CA8: variants seen among roughly 807,000 people sequenced by gnomAD.
CA8 encodes carbonic anhydrase-related protein.
CA8 carries 22 observed loss-of-function variants against 41.4 expected under a neutral mutation model. The observed-to-expected ratio is 0.53, with a 90% CI of 0.38 to 0.76. The LOEUF is 0.76. CA8 is among the 30% of genes least tolerant of loss of function. The pLI is 0.00. For synonymous variants in CA8, 121 were observed against 130.6 expected, an observed-to-expected ratio of 0.93 and a Z score of 0.50; for missense variants, 270 against 352.8, an observed-to-expected ratio of 0.77 and a Z score of 1.88.
intron 8 of CA8, chr8:60,207,971 A>G (rs1456224793): frequency 1.3e-5 from 2 of 152,202 alleles, no homozygotes; most frequent in African/African-American, 4.8e-5. Context: ...CCTAGGTTCT[A>G]TTCCAACAGA....
intron 7 of CA8, among the ~76,000 whole-genome samples, chr8:60,219,732 G>A (rs1008319342): frequency 2.6e-5 from 4 of 151,982 alleles, no homozygotes; most frequent in African/African-American, 9.7e-5. Flanking sequence ...CATCACACAT[G>A]ACTGGCTGGA....
chr8:60,212,575 T>C (rs1389903488), intron 7 of CA8, among the ~76,000 whole-genome samples: 1 of 152,190 alleles, frequency 6.6e-6, no homozygotes, highest in Non-Finnish European at 1.5e-5. Context: ...CTCACTTATA[T>C]GTGGAATCTA....
chr8:60,224,493 A>AATT, intron 6 of CA8, 44 bp downstream of exon 6: 1 of 1,094,048 alleles, frequency 9.1e-7, no homozygotes, highest in Non-Finnish European at 1.4e-6. Context: ...ATGTGACTAT[A>AATT]GCCACAGTTA....
At chr8:60,276,881 G>GT (rs1804254665) in intron 2 of CA8, among the ~76,000 whole-genome samples, 1 of 152,116 alleles carries the variant, frequency 6.6e-6, no homozygotes, top group African/African-American at 2.4e-5. Context: ...CACTTTGGGA[G>GT]GCCGAGGTGG....
At chr8:60,251,700 C>G (rs1808456329) in intron 3 of CA8, among the ~76,000 whole-genome samples, 2 of 152,176 alleles carry the variant, frequency 1.3e-5, no homozygotes, top group Admixed American at 1.3e-4. Context: ...AAGAGAAGGC[C>G]AAAGTCATCT....
At chr8:60,269,195 T>C (rs1207449100) in intron 2 of CA8, among the ~76,000 whole-genome samples, 1 of 152,228 alleles carries the variant, frequency 6.6e-6, no homozygotes, top group Non-Finnish European at 1.5e-5. Context: ...ATCCATCTGG[T>C]AACCCTCTTC....
At chr8:60,218,439 T>A (rs1393397041) in intron 7 of CA8, among the ~76,000 whole-genome samples, 1 of 152,002 alleles carries the variant, frequency 6.6e-6, no homozygotes, top group African/African-American at 2.4e-5. Flanking sequence ...TGTCGAATAA[T>A]TGCCAAATAA....
intron 2 of CA8, among the ~76,000 whole-genome samples, chr8:60,275,143 CA>C (rs1406811947): frequency 1.3e-5 from 2 of 152,094 alleles, no homozygotes; most frequent in Non-Finnish European, 2.9e-5. Flanking sequence ...CCAGATAAAC[CA>C]ATATAAGCAA....
intron 7 of CA8, among the ~76,000 whole-genome samples, chr8:60,220,863 C>T (rs547192633): frequency 6.6e-6 from 1 of 152,288 alleles, no homozygotes; most frequent in Non-Finnish European, 1.5e-5. Flanking sequence ...TACTGGCCCT[C>T]AAAAGATCCC....
rs957058801 is a variant in CA8, at chr8:60,187,598, T to C, written c.*2423A>G. On this transcript the variant is annotated 3_prime_UTR_variant, in exon 9 of 9. Transcript: ENST00000317995. The stretch of plus-strand genomic sequence containing the variant: ...AAAATTGACAAGCCTTCAGCTAAAC[T>C]AACCAACAAAAAAAGAGTAAACTCA... 4 of 151,994 alleles carry C rather than the reference T, an allele frequency of 2.6e-5. No homozygotes were observed. Among genetic ancestry groups the C allele is most frequent in the African/African-American group, 9.7e-5 (4 of 41,432 alleles). The allele number at this position is 151,994 out of a possible 1,614,324, so 9.4% of individuals were successfully genotyped here. A position where few individuals can be genotyped will look rare whatever the true frequency, so the allele number is the denominator to read the frequency against.
At chr8:60,241,029 T>C (rs369559634) in intron 3 of CA8, among the ~76,000 whole-genome samples, 2 of 151,904 alleles carry the variant, frequency 1.3e-5, no homozygotes, top group African/African-American at 2.4e-5. Context: ...AACTGAGAAA[T>C]AGTTAACAGA....
chr8:60,238,146 T>G (rs1807897122), intron 3 of CA8, among the ~76,000 whole-genome samples: 1 of 152,158 alleles, frequency 6.6e-6, no homozygotes, highest in Non-Finnish European at 1.5e-5. Context: ...ATAGATAAAT[T>G]TGTCCAAAGT....
chr8:60,222,351 T>A (rs937605064), intron 7 of CA8, among the ~76,000 whole-genome samples: 2 of 152,204 alleles, frequency 1.3e-5, no homozygotes, highest in Non-Finnish European at 2.9e-5. Context: ...CTTTCCATTC[T>A]CCACACCTGG....
At chr8:60,247,924 T>C (rs1563368076) in intron 3 of CA8, among the ~76,000 whole-genome samples, 1 of 152,214 alleles carries the variant, frequency 6.6e-6, no homozygotes, top group Non-Finnish European at 1.5e-5. Context: ...CTACTGTTTC[T>C]TGACTTTTTA....
intron 3 of CA8, among the ~76,000 whole-genome samples, chr8:60,235,699 C>G (rs1807806088): frequency 6.6e-6 from 1 of 152,178 alleles, no homozygotes; most frequent in African/African-American, 2.4e-5. Flanking sequence ...CTAACAGTAC[C>G]TTAGTGGGTA....
chr8:60,190,277 TATATC>T (rs1369492757), intron 8 of CA8, among the ~76,000 whole-genome samples: 1 of 151,484 alleles, frequency 6.6e-6, no homozygotes, highest in African/African-American at 2.4e-5. Flanking sequence ...AAAAAATATG[TATATC>T]ATGTCAAATA....
intron 8 of CA8, among the ~76,000 whole-genome samples, chr8:60,201,058 G>A (rs2130397054): frequency 6.6e-6 from 1 of 152,208 alleles, no homozygotes; most frequent in East Asian, 1.9e-4. Flanking sequence ...GCTATCAGAA[G>A]GCAAATCTGC....
intron 7 of CA8, among the ~76,000 whole-genome samples, chr8:60,216,046 G>A (rs1036057104): frequency 5.3e-5 from 8 of 152,166 alleles, no homozygotes; most frequent in African/African-American, 1.9e-4. Context: ...AATCAGCTAT[G>A]TGGAAACTAC....
chr8:60,255,932 G>C (rs1366194562), intron 3 of CA8, among the ~76,000 whole-genome samples: 1 of 142,260 alleles, frequency 7.0e-6, no homozygotes, highest in Non-Finnish European at 1.5e-5. Flanking sequence ...TTTTGAAACA[G>C]AGTTTCGTTA....
Sources: gnomAD v4.1 joint callset for allele counts (sites outside exome capture counted in the v4.1 genomes callset) on GRCh38, gnomAD v4.1.1 for gene constraint, MANE v1.5 for transcripts, NCBI Gene and HGNC (gene_info 2026-07-23, HGNC 2026-07-21) for gene names.